Variants in ADGRV1 observed in about 807,000 individuals in gnomAD.
ADGRV1 encodes G-protein coupled receptor 98.
ADGRV1 carries 359 observed loss-of-function variants against 596.2 expected under a neutral mutation model. That is an observed-to-expected ratio of 0.60 (90% CI 0.55 to 0.66). The LOEUF is 0.66. ADGRV1 is among the 30% of genes least tolerant of loss of function. The pLI is 0.00. For synonymous variants in ADGRV1, 2,681 were observed against 2,679.2 expected (o/e 1.00, Z -0.02); for missense variants, 7,274 against 7,575.6 (o/e 0.96, Z 1.48).
At position 90,807,752 on chromosome 5, in the gene ADGRV1, A is replaced by G. The variant is rs773237747; in HGVS notation, c.14972+15A>G. 9.3e-6 allele frequency: 14 copies of G among 1,513,270 alleles called. No homozygotes were observed. Among genetic ancestry groups the G allele is most frequent in the Non-Finnish European group, 1.2e-5 (14 of 1,123,082 alleles). 93.7% of individuals were successfully genotyped at this position (1,513,270 alleles called of 1,614,324 possible). On this transcript the variant is annotated intron_variant, in intron 73 of 89. Coordinates refer to ENST00000405460, the MANE Select transcript of ADGRV1 (RefSeq NM_032119.4). ...GCTCAACTCCGGTAAGACCAACCTC[A>G]TTCTCACCCAAGAAATTCTCTGAGG...
intron 1 of ADGRV1, among the ~76,000 whole-genome samples, chr5:90,561,425 C>T (rs990143765): frequency 1.3e-5 from 2 of 152,108 alleles, no homozygotes; most frequent in Admixed American, 6.5e-5. Flanking sequence ...AAGAAGTATC[C>T]TAATGGGTAA....
intron 83 of ADGRV1, among the ~76,000 whole-genome samples, chr5:90,881,659 A>G (rs1769788779): frequency 6.6e-6 from 1 of 152,208 alleles, no homozygotes; most frequent in South Asian, 2.1e-4. Flanking sequence ...GTATTAATGA[A>G]AGTATTAGAA....
Position 90,898,652 on chromosome 5 carries a change from G to T in ADGRV1, c.17856+34795G>T, listed in dbSNP as rs547274404. ...CAAGCATGCTTGAATAAGTTTACAT[G>T]CTAGAAACTGGCTGGGTGCGGGGAC... On this transcript the variant is annotated intron_variant, in intron 83 of 89. Transcript: ENST00000405460. Among the ~76,000 whole-genome samples, 6 of 152,186 alleles carry T rather than the reference G, an allele frequency of 3.9e-5. No homozygotes were observed. The South Asian group carries it at 1.2e-3, about 32-fold the overall frequency.
Position 90,625,152 on chromosome 5 carries a change from C to G in ADGRV1, c.581C>G (p.Pro194Arg). 1 of 1,611,640 alleles carries G rather than the reference C, an allele frequency of 6.2e-7. No homozygotes were observed. Among genetic ancestry groups the G allele is most frequent in the Non-Finnish European group, 8.5e-7 (1 of 1,178,322 alleles). ...TFEVEGGPNP[P>R]DEDLSPVKGN... ...CAGGTAGAGGGTGGCCCAAATCCCC[C>G]TGATGAAGATTTGAGTCCAGTTAAA... The change falls in exon 6 of 90, where the codon CCT becomes CGT. Residue 194 changes from proline to arginine, a missense_variant. Pro to Arg is a moderately radical substitution (Grantham distance 103, BLOSUM62 -2). This residue lies in a region of ADGRV1 where 1,715 missense variants were observed against 1,708.8 expected (regional missense o/e 1.00). Coordinates refer to ENST00000405460, the MANE Select transcript of ADGRV1 (RefSeq NM_032119.4).
At chr5:90,849,451 G>A (rs1174685035) in intron 79 of ADGRV1, among the ~76,000 whole-genome samples, 1 of 151,966 alleles carries the variant, frequency 6.6e-6, no homozygotes, top group Non-Finnish European at 1.5e-5. Context: ...GTGCAATGGC[G>A]GGGTCTCGGC....
At chr5:91,042,562 T>C (rs1210611589) in intron 85 of ADGRV1, among the ~76,000 whole-genome samples, 3 of 152,174 alleles carry the variant, frequency 2.0e-5, no homozygotes, top group Non-Finnish European at 4.4e-5. Context: ...ATACTTTAAG[T>C]TCTGGGATAC....
chr5:90,986,680 G>A (rs1264124840), intron 85 of ADGRV1, among the ~76,000 whole-genome samples: 6 of 151,968 alleles, frequency 3.9e-5, no homozygotes, highest in Non-Finnish European at 7.4e-5. Context: ...ATATTATAAT[G>A]TATTTTATGC....
intron 83 of ADGRV1, among the ~76,000 whole-genome samples, chr5:90,915,172 T>A (rs538819605): frequency 1.3e-5 from 2 of 152,232 alleles, no homozygotes; most frequent in Non-Finnish European, 2.9e-5. Flanking sequence ...TGCTCACTTA[T>A]CCAGACAGCG....
intron 83 of ADGRV1, among the ~76,000 whole-genome samples, chr5:90,898,169 T>A (rs182017486): frequency 2.6e-5 from 4 of 152,332 alleles, no homozygotes; most frequent in African/African-American, 7.2e-5. Flanking sequence ...CTGAAGGCAC[T>A]ATGAAGTGTA....
chr5:91,096,759 T>G (rs1298956553), intron 86 of ADGRV1, among the ~76,000 whole-genome samples: 3 of 152,190 alleles, frequency 2.0e-5, no homozygotes. Flanking sequence ...AAGTGTACAC[T>G]TCAGTGTCAC....
At chr5:90,658,315 T>A (rs1769716139) in intron 21 of ADGRV1, 37 bp downstream of exon 21, 1 of 1,471,308 alleles carries the variant, frequency 6.8e-7, no homozygotes, top group African/African-American at 1.4e-5. Flanking sequence ...GATTTAAAAA[T>A]TCATTGTAGG....
intron 83 of ADGRV1, among the ~76,000 whole-genome samples, chr5:90,926,748 C>G (rs1293308116): frequency 6.7e-6 from 1 of 148,552 alleles, no homozygotes; most frequent in Non-Finnish European, 1.5e-5. Context: ...TTGGATCTTT[C>G]CTGCTTTCTC....
chr5:90,684,113 T>G lies in ADGRV1; in HGVS notation c.6192T>G (p.Asp2064Glu). ...SEATIAISIL[D>E]DDEPERSESV... The stretch of plus-strand genomic sequence containing the variant: ...CAACAATAGCTATTTCAATTTTGGA[T>G]GATGATGAGCCAGAAAGGTCCGAAT... Residue 2064 changes from aspartate (D) to glutamate (E), a missense_variant, in exon 28 of 90, where the codon GAT becomes GAG. This residue lies in a region of ADGRV1 where 3,643 missense variants were observed against 3,809.2 expected (regional missense o/e 0.96). Transcript: ENST00000405460. 1 of 1,613,920 alleles carries G rather than the reference T, an allele frequency of 6.2e-7. No individual in the cohort carries two copies. Among genetic ancestry groups the G allele is most frequent in the Non-Finnish European group, 8.5e-7 (1 of 1,179,852 alleles).
chr5:90,661,789 G>A (rs1053954372), intron 21 of ADGRV1, among the ~76,000 whole-genome samples: 7 of 152,086 alleles, frequency 4.6e-5, no homozygotes, highest in African/African-American at 1.7e-4. Context: ...TGGCCTAAAT[G>A]TTTGTTTGTA....
At chr5:90,865,913 T>C (rs1186424395) in intron 83 of ADGRV1, among the ~76,000 whole-genome samples, 1 of 152,160 alleles carries the variant, frequency 6.6e-6, no homozygotes, top group African/African-American at 2.4e-5. Flanking sequence ...GTTCCAGCCT[T>C]GGATCTTTCA....
intron 1 of ADGRV1, among the ~76,000 whole-genome samples, chr5:90,586,292 T>C (rs1352611721): frequency 8.5e-5 from 13 of 152,256 alleles, no homozygotes; most frequent in Admixed American, 8.5e-4. Flanking sequence ...ACAGTGCTTT[T>C]ATCCTACCTA....
intron 83 of ADGRV1, among the ~76,000 whole-genome samples, chr5:90,934,712 A>G (rs538511665): frequency 6.6e-6 from 1 of 152,354 alleles, no homozygotes; most frequent in South Asian, 2.1e-4. Context: ...AAAATACAAC[A>G]GACTGTGTGA....
At chr5:91,122,084 T>C (rs1793369297) in intron 87 of ADGRV1, among the ~76,000 whole-genome samples, 1 of 152,168 alleles carries the variant, frequency 6.6e-6, no homozygotes, top group African/African-American at 2.4e-5. Flanking sequence ...AAAGACTAGA[T>C]TGTAATCAAA....
chr5:91,159,704 T>A (rs139135786), intron 89 of ADGRV1, among the ~76,000 whole-genome samples: 2,300 of 152,244 alleles, frequency 0.015, 26 homozygotes, highest in Non-Finnish European at 0.025. Flanking sequence ...TATTAGTTTT[T>A]TTTTTTTATT....
Sources: allele counts gnomAD v4.1 joint callset (sites outside exome capture counted in the v4.1 genomes callset), GRCh38; gene constraint gnomAD v4.1.1; regional missense constraint gnomAD v4.1.1; transcripts MANE v1.5; gene names NCBI Gene and HGNC (gene_info 2026-07-23, HGNC 2026-07-21).